PTPRM: variants seen among roughly 807,000 people sequenced by gnomAD.
PTPRM encodes the protein protein tyrosine phosphatase receptor type M.
In PTPRM, 47 loss-of-function variants were observed where a neutral mutation model predicts 186.7. The observed-to-expected ratio is 0.25, with a 90% confidence interval of 0.20 to 0.32. The LOEUF is 0.32. PTPRM is among the 10% of genes least tolerant of loss of function. The probability of loss-of-function intolerance (pLI) is 1.00; values close to 1 mark genes in which losing one functional copy is unlikely to be tolerated. For missense variants in PTPRM, 1,494 were observed against 1,865.0 expected (o/e 0.80, Z 3.66); for synonymous variants, 668 against 674.9 (o/e 0.99, Z 0.16).
chr18:8,031,078 G>C (rs1422812388), intron 7 of PTPRM, among the ~76,000 whole-genome samples: 1 of 152,156 alleles, frequency 6.6e-6, no homozygotes, highest in Admixed American at 6.5e-5. Flanking sequence ...TGATCTTTGA[G>C]AAATTTAAGC....
intron 19 of PTPRM, among the ~76,000 whole-genome samples, chr18:8,255,565 G>A (rs1283629480): frequency 2.0e-5 from 3 of 151,926 alleles, no homozygotes; most frequent in Admixed American, 6.6e-5. Flanking sequence ...TAGCTATTCC[G>A]TGGTCAGAGA....
intron 7 of PTPRM, among the ~76,000 whole-genome samples, chr18:7,975,092 A>G (rs2054842005): frequency 1.3e-5 from 2 of 152,226 alleles, no homozygotes; most frequent in African/African-American, 4.8e-5. Context: ...AGAATGGCCA[A>G]AATTCAGAAC....
In PTPRM at chr18:8,248,043, G is replaced by A. The variant is rs12964764; in HGVS notation, c.2528-107G>A. The A allele has an allele frequency of 6.9e-4, 933 of 1,359,584 alleles. 6 individuals are homozygous for A. In the African/African-American group the frequency reaches 0.011, roughly 17 times the overall value. 84.2% of individuals were successfully genotyped at this position (1,359,584 alleles called of 1,614,324 possible). ...TGTTTGAGATGTTGTAACCCAATGC[G>A]TTTCTACAGCTTTCTATGCAGAAAA... On this transcript the variant is annotated intron_variant, in intron 16 of 32. Transcript: ENST00000580170.
intron 8 of PTPRM, among the ~76,000 whole-genome samples, chr18:8,072,719 G>GA (rs932430181): frequency 1.3e-5 from 2 of 151,860 alleles, no homozygotes; most frequent in Non-Finnish European, 2.9e-5. Flanking sequence ...AATTGTGTGG[G>GA]AAAAAATTTA....
intron 20 of PTPRM, 99 bp from the exon 21 acceptor site, chr18:8,314,682 G>A: frequency 2.8e-6 from 2 of 725,470 alleles, no homozygotes; most frequent in Non-Finnish European, 4.8e-6. Context: ...CAGAGTGTCT[G>A]TGGGTGATCT....
intron 1 of PTPRM, among the ~76,000 whole-genome samples, chr18:7,631,722 C>T (rs949048359): frequency 1.3e-5 from 2 of 151,992 alleles, no homozygotes; most frequent in Admixed American, 6.6e-5. Context: ...TATTCTTCTT[C>T]CAGTGTGGCC....
At chr18:7,729,879 T>TAA (rs2040621973) in intron 1 of PTPRM, among the ~76,000 whole-genome samples, 1 of 152,184 alleles carries the variant, frequency 6.6e-6, no homozygotes, top group Non-Finnish European at 1.5e-5. Context: ...AATTAAAGCT[T>TAA]TTATACATTC....
intron 11 of PTPRM, among the ~76,000 whole-genome samples, chr18:8,103,924 A>G (rs1347320296): frequency 6.6e-6 from 1 of 152,130 alleles, no homozygotes; most frequent in African/African-American, 2.4e-5. Flanking sequence ...TTGTATGGTT[A>G]TCATTTGTTC....
intron 14 of PTPRM, among the ~76,000 whole-genome samples, chr18:8,163,863 C>T (rs2093274765): frequency 1.3e-5 from 2 of 152,208 alleles, no homozygotes; most frequent in Non-Finnish European, 2.9e-5. Context: ...TTCTCAAAAA[C>T]ATCTTTAATT....
At chr18:7,649,721 T>A (rs2038650632) in intron 1 of PTPRM, among the ~76,000 whole-genome samples, 1 of 151,836 alleles carries the variant, frequency 6.6e-6, no homozygotes, top group Non-Finnish European at 1.5e-5. Context: ...TGAGACTCCA[T>A]CTTAAAATAA....
chr18:7,793,363 A>T (rs2043441018), intron 2 of PTPRM, among the ~76,000 whole-genome samples: 1 of 152,162 alleles, frequency 6.6e-6, no homozygotes, highest in Non-Finnish European at 1.5e-5. Context: ...TAAATGAGAG[A>T]ATGTGTACAG....
At chr18:8,091,924 TGATAA>T (rs906715947) in intron 11 of PTPRM, among the ~76,000 whole-genome samples, 4 of 152,076 alleles carry the variant, frequency 2.6e-5, no homozygotes, top group African/African-American at 9.7e-5. Context: ...TTTTCCCAAA[TGATAA>T]GATAAATACT....
At chr18:7,604,585 G>A (rs1414358015) in intron 1 of PTPRM, among the ~76,000 whole-genome samples, 3 of 152,336 alleles carry the variant, frequency 2.0e-5, no homozygotes, top group African/African-American at 7.2e-5. Flanking sequence ...AGTATTGATG[G>A]TGATGCTGAA....
chr18:7,626,459 G>A (rs1448963321), intron 1 of PTPRM, among the ~76,000 whole-genome samples: 1 of 152,136 alleles, frequency 6.6e-6, no homozygotes, highest in African/African-American at 2.4e-5. Flanking sequence ...CTTCTTTAAT[G>A]ACTCCAACTG....
intron 7 of PTPRM, among the ~76,000 whole-genome samples, chr18:8,003,222 T>C (rs2083975524): frequency 6.6e-6 from 1 of 152,134 alleles, no homozygotes; most frequent in South Asian, 2.1e-4. Flanking sequence ...AGTGAATAAG[T>C]CTCATGAGAT....
At chr18:7,666,409 C>A (rs1214217123) in intron 1 of PTPRM, among the ~76,000 whole-genome samples, 1 of 152,140 alleles carries the variant, frequency 6.6e-6, no homozygotes, top group African/African-American at 2.4e-5. Flanking sequence ...TGTAACTGAA[C>A]CTGAAGAGGG....
At chr18:8,289,599 TATAC>T (rs1184014108) in intron 19 of PTPRM, among the ~76,000 whole-genome samples, 3 of 114,996 alleles carry the variant, frequency 2.6e-5, no homozygotes, top group African/African-American at 1.1e-4. Flanking sequence ...CACATATATA[TATAC>T]ACACATATAT....
chr18:7,760,451 A>G (rs987825643), intron 1 of PTPRM, among the ~76,000 whole-genome samples: 1 of 152,164 alleles, frequency 6.6e-6, no homozygotes, highest in South Asian at 2.1e-4. Context: ...AAAGTTGAAT[A>G]TATCTGGTTG....
intron 1 of PTPRM, among the ~76,000 whole-genome samples, chr18:7,707,419 C>T (rs1385461246): frequency 6.6e-6 from 1 of 151,904 alleles, no homozygotes; most frequent in African/African-American, 2.4e-5. Context: ...TCACTTAAGG[C>T]TGGAAGTTTG....
Sources: allele counts gnomAD v4.1 joint callset (sites outside exome capture counted in the v4.1 genomes callset), GRCh38; gene constraint gnomAD v4.1.1; transcripts MANE v1.5; gene names NCBI Gene and HGNC (gene_info 2026-07-23, HGNC 2026-07-21).